SIN3B: variants seen among roughly 807,000 people sequenced by gnomAD.
SIN3B encodes the protein paired amphipathic helix protein Sin3b.
Under a neutral mutation model 120.2 loss-of-function variants are expected in SIN3B, and 19 were observed. The ratio of observed to expected loss-of-function variants is 0.16; its 90% CI spans 0.11 to 0.23. The LOEUF (loss-of-function observed/expected upper bound fraction) is 0.23. SIN3B is among the 10% of genes least tolerant of loss of function. The pLI is 1.00. For missense variants in SIN3B, 1,073 were observed against 1,573.0 expected (o/e 0.68, Z 5.38); for synonymous variants, 654 against 653.2 (o/e 1.00, Z -0.02).
chr19:16,863,040 C>A, intron 9 of SIN3B: 1 of 1,254,100 alleles, frequency 8.0e-7, no homozygotes, highest in Non-Finnish European at 1.2e-6. Context: ...TAAAGTTTTA[C>A]TGTCACACAG....
rs370309648 is a variant in SIN3B, at chr19:16,832,221, G to A, written c.381+574G>A. Among the ~76,000 whole-genome samples, 784 of 137,834 alleles carry A rather than the reference G, an allele frequency of 5.7e-3. 12 individuals carry two copies. Among genetic ancestry groups the A allele is most frequent in the African/African-American group, 0.02 (735 of 37,600 alleles). The allele number at this position is 137,834 out of a possible 152,430, so 90.4% of individuals were successfully genotyped here. A position where few individuals can be genotyped will look rare whatever the true frequency, so the allele number is the denominator to read the frequency against. ...TTTTTTTTTTTTTTTTTTTGGAGACGGAGTCTGGCTCTGTCACCCAGGCTG... is the reference window on the plus strand; with the variant it reads ...TTTTTTTTTTTTTTTTTTTGGAGACAGAGTCTGGCTCTGTCACCCAGGCTG... On this transcript the variant is annotated intron_variant, in intron 3 of 18. Transcript: ENST00000248054.
Position 16,831,667 on chromosome 19 carries a change from C to G in SIN3B, c.381+20C>G. 2 of 1,612,104 alleles carry G rather than the reference C, an allele frequency of 1.2e-6. No individual in the cohort carries two copies. Among genetic ancestry groups the G allele is most frequent in the Non-Finnish European group, 1.7e-6 (2 of 1,178,528 alleles). On this transcript the variant is annotated intron_variant, in intron 3 of 18. Coordinates refer to ENST00000248054, the MANE Select transcript of SIN3B (RefSeq NM_001297595.2). ...AGCCAGGTATGCCACTACAGTGGTT[C>G]GGGTGATCTCAGCCTTCACCGAGTA...
chr19:16,829,985 C>A, intron 2 of SIN3B, 88 bp downstream of exon 2: 1 of 855,906 alleles, frequency 1.2e-6, no homozygotes, highest in Non-Finnish European at 2.0e-6. Context: ...TCCAGCCTGC[C>A]CCCTTAGCCG....
At chr19:16,860,781 A>G (rs1287347839) in intron 8 of SIN3B, among the ~76,000 whole-genome samples, 2 of 150,150 alleles carry the variant, frequency 1.3e-5, no homozygotes, top group Non-Finnish European at 3.0e-5. Flanking sequence ...TTTTTTTTGT[A>G]TTTTTAGTAG....
rs141789662 is a variant in SIN3B, at chr19:16,851,529, G to A, written c.844G>A (p.Ala282Thr). ...PSLLRPVSAP[A>T]KKKMKLRGTK... is the part of the protein sequence containing the mutation. Reference sequence around the variant, plus strand: ...GCTCCTCCGCCCCGTGTCTGCACCCGCCAAGGTACCTGTGAGCCACATGCA... The same window carrying A: ...GCTCCTCCGCCCCGTGTCTGCACCCACCAAGGTACCTGTGAGCCACATGCA... Residue 282 changes from alanine to threonine, a missense_variant, in exon 6 of 19, where the codon GCC (alanine) becomes ACC (threonine). Physicochemically the swap from Ala to Thr is moderately conservative, Grantham distance 58. Around this residue, in one of 7 missense-constraint regions of SIN3B, gnomAD observed 395 missense variants for 528.0 expected, o/e 0.75. Coordinates refer to ENST00000248054, the MANE Select transcript of SIN3B (RefSeq NM_001297595.2). 110 of 1,595,934 alleles carry A rather than the reference G, an allele frequency of 6.9e-5. No homozygotes were observed. The highest frequency in any genetic ancestry group is 3.7e-4 in the East Asian group (16 of 43,780).
intron 8 of SIN3B, among the ~76,000 whole-genome samples, chr19:16,860,378 C>T (rs2144606473): frequency 6.6e-6 from 1 of 152,306 alleles, no homozygotes; most frequent in Non-Finnish European, 1.5e-5. Flanking sequence ...TTTATCCCAG[C>T]AGTAGCCTCA....
At chr19:16,834,280 C>T (rs961371550) in intron 3 of SIN3B, among the ~76,000 whole-genome samples, 5 of 152,208 alleles carry the variant, frequency 3.3e-5, no homozygotes, top group Non-Finnish European at 7.3e-5. Flanking sequence ...GTTCCTGTCA[C>T]TCACTCAGAA....
In SIN3B at chr19:16,841,796, C is replaced by T; in HGVS notation, c.410C>T (p.Ala137Val). 6.2e-7 allele frequency: 1 copy of T among 1,614,010 alleles called. No individual in the cohort carries two copies. The highest frequency in any genetic ancestry group is 1.1e-5 in the South Asian group (1 of 91,050). The change falls in exon 4 of 19, where the codon GCA (alanine) becomes GTA (valine). Residue 137 changes from alanine to valine, a missense_variant. This residue lies in a region of SIN3B where 395 missense variants were observed against 528.0 expected (regional missense o/e 0.75). Coordinates refer to ENST00000248054, the MANE Select transcript of SIN3B (RefSeq NM_001297595.2). ...QENSHNHGDG[A>V]EDFKQQVPYK... Reference sequence around the variant, plus strand: ...AATTCGCACAACCACGGGGACGGTGCAGAGGACTTCAAGCAGCAGGTGCCG... The same window carrying T: ...AATTCGCACAACCACGGGGACGGTGTAGAGGACTTCAAGCAGCAGGTGCCG...
At chr19:16,846,622 C>T in intron 4 of SIN3B, 1 of 196,576 alleles carries the variant, frequency 5.1e-6, no homozygotes, top group Non-Finnish European at 1.0e-5. Flanking sequence ...TGGCCCAGCG[C>T]TCCCCAGTTC....
chr19:16,869,823 C>A lies in SIN3B; in HGVS notation c.2170C>A (p.Gln724Lys). ...CTTCGGGGATGCCCCGGCCACTGAG[C>A]AGCCACCCCTGCCGCCCCCAGCCCC... ...GAFGDAPATEQPPLPPPAPHK... is the reference protein window; with the variant it reads ...GAFGDAPATEKPPLPPPAPHK... The change falls in exon 13 of 19, where the codon CAG (glutamine) becomes AAG (lysine). Residue 724 changes from glutamine (Q) to lysine (K), a missense_variant. Transcript: ENST00000248054. 2 of 1,613,904 alleles carry A rather than the reference C, an allele frequency of 1.2e-6. No homozygotes were observed. The highest frequency in any genetic ancestry group is 2.7e-5 in the African/African-American group (2 of 75,060).
chr19:16,877,835 G>A (rs368799077), intron 17 of SIN3B, among the ~76,000 whole-genome samples, 196 bp downstream of exon 17: 2 of 152,306 alleles, frequency 1.3e-5, no homozygotes, highest in Middle Eastern at 3.4e-3. Flanking sequence ...GGACGGTGAG[G>A]TGTAGGAGGG....
rs1379749115 is a variant in SIN3B, at chr19:16,871,409, CCGGGGTGGGGCCGGCCCTGAGGA to C, written c.2592+15_2592+37del. ...AACATTGCGCGGCAGGTGAGCCGGG[CCGGGGTGGGGCCGGCCCTGAGGA>C]CGGCGGAAATGGCTCTACCATCATT... On this transcript the variant is annotated intron_variant, in intron 14 of 18. Coordinates refer to ENST00000248054, the MANE Select transcript of SIN3B (RefSeq NM_001297595.2). The C allele has an allele frequency of 6.3e-7, 1 of 1,592,292 alleles. No homozygotes were observed. The highest frequency in any genetic ancestry group is 1.3e-5 in the African/African-American group (1 of 74,498).
At position 16,876,310 on chromosome 19, in the gene SIN3B, G is replaced by A; in HGVS notation, c.2766+82G>A. 6.7e-7 allele frequency: 1 copy of A among 1,502,444 alleles called. No homozygotes were observed. The highest frequency in any genetic ancestry group is 9.0e-7 in the Non-Finnish European group (1 of 1,110,754). 93.1% of individuals were successfully genotyped at this position (1,502,444 alleles called of 1,614,324 possible). On this transcript the variant is annotated intron_variant, in intron 15 of 18. Transcript: ENST00000248054. This position sits in a 1 kb window ranked among gnomAD's most constrained non-coding sequence, Gnocchi z 7.1. ...CTGGACTCAGTCCTGGGTGGACCCTGGTTCAGCGGCTGGGACACCGGCCCT... is the reference window on the plus strand; with the variant it reads ...CTGGACTCAGTCCTGGGTGGACCCTAGTTCAGCGGCTGGGACACCGGCCCT...
At chr19:16,864,119 C>G (rs1971727608) in intron 10 of SIN3B, among the ~76,000 whole-genome samples, 1 of 152,042 alleles carries the variant, frequency 6.6e-6, no homozygotes, top group South Asian at 2.1e-4. Flanking sequence ...CATGGCGAAA[C>G]CCCATCTCTA....
chr19:16,863,742 C>T lies in SIN3B; in HGVS notation c.1329C>T (p.Ser443=), dbSNP rs1187367434. ...CTGAGGACTCCACGTTCGTCAGCTCCAAGAAGACACCGTACGAGGAGCAGC... is the reference window on the plus strand; with the variant it reads ...CTGAGGACTCCACGTTCGTCAGCTCTAAGAAGACACCGTACGAGGAGCAGC... The part of the protein sequence containing the change: ...SWSEDSTFVS[S]KKTPYEEQLH... The change falls in exon 10 of 19, where the codon TCC becomes TCT. Residue 443 remains serine (S), a synonymous_variant. Transcript: ENST00000248054. 3.1e-6 allele frequency: 5 copies of T among 1,614,204 alleles called. No individual in the cohort carries two copies. The highest frequency in any genetic ancestry group is 4.2e-6 in the Non-Finnish European group (5 of 1,180,034).
At position 16,875,505 on chromosome 19, in the gene SIN3B, C is replaced by T. The variant is rs567049570; in HGVS notation, c.2593-550C>T. On this transcript the variant is annotated intron_variant, in intron 14 of 18. Coordinates refer to ENST00000248054, the MANE Select transcript of SIN3B (RefSeq NM_001297595.2). ...TGGTTTGGGTCTGGTCTGGTTTGGT[C>T]TGGTCTGGTCTGTTTGGTCTGGTCT... 3.1e-5 allele frequency among the ~76,000 whole-genome samples: 4 copies of T among 130,218 alleles called. No homozygotes were observed. The East Asian group carries it at 9.9e-4, about 32-fold the overall frequency. The allele number at this position is 130,218 out of a possible 152,430, so 85.4% of individuals were successfully genotyped here.
chr19:16,856,328 C>CT (rs1416751607), intron 8 of SIN3B, among the ~76,000 whole-genome samples: 1 of 152,106 alleles, frequency 6.6e-6, no homozygotes, highest in African/African-American at 2.4e-5. Flanking sequence ...AGCCCTGTGA[C>CT]TAGGGTGAGT....
chr19:16,859,158 A>G (rs1239191693), intron 8 of SIN3B, among the ~76,000 whole-genome samples: 1 of 152,238 alleles, frequency 6.6e-6, no homozygotes, highest in South Asian at 2.1e-4. Flanking sequence ...TCAAAAAAAA[A>G]TAAGGAAGCT....
At chr19:16,867,494 G>A (rs867385621) in intron 12 of SIN3B, among the ~76,000 whole-genome samples, 29 of 152,238 alleles carry the variant, frequency 1.9e-4, no homozygotes, top group African/African-American at 6.7e-4. Flanking sequence ...GCAGGGTGCC[G>A]GGCGTGGTGA....
Sources: allele counts gnomAD v4.1 joint callset (sites outside exome capture counted in the v4.1 genomes callset), GRCh38; gene constraint gnomAD v4.1.1; regional missense constraint gnomAD v4.1.1; non-coding constraint Gnocchi (gnomAD v3.1); transcripts MANE v1.5; gene names NCBI Gene and HGNC (gene_info 2026-07-23, HGNC 2026-07-21).